REC114: variants seen among roughly 807,000 people sequenced by gnomAD.
REC114 encodes REC114 meiotic recombination protein, also known as meiotic recombination protein REC114.
In REC114, 27 loss-of-function variants were observed where a neutral mutation model predicts 31.3. The ratio of observed to expected loss-of-function variants is 0.86; its 90% confidence interval spans 0.64 to 1.19. REC114 has a LOEUF of 1.19. Among genes scored for constraint, REC114 ranks in the 50% most tolerant of loss-of-function variants. The pLI is 0.00. For synonymous variants in REC114, 134 were observed against 127.7 expected (o/e 1.05, Z -0.33); for missense variants, 344 against 326.9 (o/e 1.05, Z -0.40).
intron 2 of REC114, among the ~76,000 whole-genome samples, chr15:73,538,252 A>T (rs1228960564): frequency 1.3e-5 from 2 of 152,198 alleles, no homozygotes; most frequent in Non-Finnish European, 2.9e-5. Flanking sequence ...TGTAAAACAC[A>T]CACTGGATTT....
intron 2 of REC114, among the ~76,000 whole-genome samples, chr15:73,484,273 T>C (rs1008398052): frequency 6.6e-6 from 1 of 152,080 alleles, no homozygotes; most frequent in Non-Finnish European, 1.5e-5. Flanking sequence ...CTAGAAAGTG[T>C]GGCTTTTCTT....
chr15:73,460,318 AT>A (rs1397607237), intron 1 of REC114, among the ~76,000 whole-genome samples: 3 of 152,172 alleles, frequency 2.0e-5, no homozygotes, highest in Non-Finnish European at 4.4e-5. Context: ...GCCCAAGAGT[AT>A]TAAAATTCAT....
chr15:73,559,898 G>T lies in REC114; in HGVS notation c.783G>T (p.Leu261=). 6.2e-7 allele frequency: 1 copy of T among 1,611,044 alleles called. No individual in the cohort carries two copies. The highest frequency in any genetic ancestry group is 8.5e-7 in the Non-Finnish European group (1 of 1,178,998). The part of the protein sequence containing the change: ...VEEVEKELKK[L]AGLRN ...AGGTAGAAAAGGAACTGAAAAAGCT[G>T]GCGGGTTTGAGAAATTAATGCTCTA... Residue 261 remains leucine, a synonymous_variant, in exon 6 of 6, where the codon CTG becomes CTT. Transcript: ENST00000331090.
chr15:73,496,683 A>G (rs1268030405), intron 2 of REC114, among the ~76,000 whole-genome samples: 1 of 151,948 alleles, frequency 6.6e-6, no homozygotes, highest in Non-Finnish European at 1.5e-5. Flanking sequence ...CAAACGTAGT[A>G]TAAGGAATGT....
chr15:73,538,584 G>A (rs924572500), intron 2 of REC114, among the ~76,000 whole-genome samples: 1 of 151,142 alleles, frequency 6.6e-6, no homozygotes, highest in African/African-American at 2.4e-5. Flanking sequence ...AGCCTCCTGA[G>A]TAGCTGGGAC....
chr15:73,449,016 A>G (rs1595858017), intron 1 of REC114, among the ~76,000 whole-genome samples: 1 of 152,234 alleles, frequency 6.6e-6, no homozygotes, highest in Non-Finnish European at 1.5e-5. Context: ...GACCGAAGAT[A>G]GATAAATCCA....
chr15:73,443,230 AG>A lies in REC114; in HGVS notation c.47del (p.Gly16GlufsTer53). The A allele has an allele frequency of 1.3e-6, 2 of 1,575,646 alleles. No homozygotes were observed. The highest frequency in any genetic ancestry group is 1.7e-6 in the Non-Finnish European group (2 of 1,161,552). On this transcript the variant is annotated frameshift_variant, in exon 1 of 6. Transcript: ENST00000331090. LOFTEE classifies it high-confidence loss of function. ...KVPLSLGLTGGEAAEWPLQRY... is the reference protein window; with the variant it reads ...KVPLSLGLTGXEAAEWPLQRY... ...TGCCCTTGAGCCTCGGGCTTACCGG[AG>A]GAGAAGCGGCAGAGTGGCCTCTGCA...
intron 2 of REC114, among the ~76,000 whole-genome samples, chr15:73,530,953 C>T (rs1169246584): frequency 1.3e-5 from 2 of 152,140 alleles, no homozygotes; most frequent in African/African-American, 4.8e-5. Flanking sequence ...ATCAGTCATC[C>T]AGTTACTTTT....
chr15:73,554,535 A>G (rs139248704), intron 4 of REC114, among the ~76,000 whole-genome samples: 4,893 of 152,222 alleles, frequency 0.032, 134 homozygotes, highest in Non-Finnish European at 0.049. Context: ...TCAGCCTTGT[A>G]ATTTTGTTAA....
chr15:73,455,085 G>A lies in REC114; in HGVS notation c.159+11741G>A, dbSNP rs116448111. ...GAATCTGTGCCGAACCATCCTACCC[G>A]CTGTGATCAGTTTCAGCCTAGGTCT... On this transcript the variant is annotated intron_variant, in intron 1 of 5. Coordinates refer to ENST00000331090, the MANE Select transcript of REC114 (RefSeq NM_001042367.2). Among the ~76,000 whole-genome samples the A allele has an allele frequency of 5.0e-3, 753 of 152,110 alleles. 6 individuals are homozygous for A. Among genetic ancestry groups the A allele is most frequent in the African/African-American group, 0.017 (711 of 41,490 alleles).
intron 2 of REC114, among the ~76,000 whole-genome samples, chr15:73,487,580 A>G (rs942793702): frequency 3.9e-5 from 6 of 152,248 alleles, no homozygotes; most frequent in African/African-American, 1.2e-4. Context: ...CTACTTTTGT[A>G]CACACTGGGG....
intron 1 of REC114, among the ~76,000 whole-genome samples, chr15:73,453,492 GAAATAGGA>G (rs1377744522): frequency 6.6e-6 from 1 of 152,186 alleles, no homozygotes; most frequent in African/African-American, 2.4e-5. Flanking sequence ...AGGATGTGGA[GAAATAGGA>G]ACGCTTTTAT....
rs1398933648 is a variant in REC114, at chr15:73,534,988, G to A, written c.250-5497G>A. On this transcript the variant is annotated intron_variant, in intron 2 of 5. Transcript: ENST00000331090. The stretch of plus-strand genomic sequence containing the variant: ...TTGACAAAATTCACCAACCCTTCAT[G>A]CTAAAAACTCTCAATAAATTAGGTA... Among the ~76,000 whole-genome samples, 1,047 of 142,088 alleles carry A rather than the reference G, an allele frequency of 7.4e-3. 19 individuals carry two copies. Among genetic ancestry groups the A allele is most frequent in the African/African-American group, 0.028 (1,001 of 35,940 alleles). The allele number at this position is 142,088 out of a possible 152,430, so 93.2% of individuals were successfully genotyped here.
At chr15:73,546,031 G>A (rs11636907) in intron 3 of REC114, among the ~76,000 whole-genome samples, 78,455 of 151,268 alleles carry the variant, frequency 0.52, 20,429 homozygotes, top group East Asian at 0.55. Context: ...AGGGAAGGTA[G>A]GCTTTCAATG....
intron 2 of REC114, among the ~76,000 whole-genome samples, chr15:73,523,126 A>G (rs937063801): frequency 6.6e-6 from 1 of 152,146 alleles, no homozygotes; most frequent in African/African-American, 2.4e-5. Context: ...ATAAGAGGTT[A>G]TATATATATT....
chr15:73,558,773 T>C (rs756573761), intron 5 of REC114, among the ~76,000 whole-genome samples: 1 of 152,180 alleles, frequency 6.6e-6, no homozygotes, highest in Non-Finnish European at 1.5e-5. Context: ...AAGTTAAATA[T>C]ACACTCACCA....
At chr15:73,536,522 C>CA (rs1252283617) in intron 2 of REC114, among the ~76,000 whole-genome samples, 2 of 152,134 alleles carry the variant, frequency 1.3e-5, no homozygotes, top group Non-Finnish European at 2.9e-5. Context: ...GAACACAGAG[C>CA]AGGTCACTTA....
At chr15:73,454,393 G>C (rs1478520211) in intron 1 of REC114, among the ~76,000 whole-genome samples, 1 of 152,120 alleles carries the variant, frequency 6.6e-6, no homozygotes, top group African/African-American at 2.4e-5. Flanking sequence ...AAGCCAGATA[G>C]GAGTAGGGTA....
chr15:73,450,873 T>A (rs907280590), intron 1 of REC114, among the ~76,000 whole-genome samples: 1 of 152,168 alleles, frequency 6.6e-6, no homozygotes, highest in African/African-American at 2.4e-5. Context: ...AACAACCTGC[T>A]CTTGAATGAC....
Sources: allele counts gnomAD v4.1 joint callset (sites outside exome capture counted in the v4.1 genomes callset), GRCh38; gene constraint gnomAD v4.1.1; transcripts MANE v1.5; gene names NCBI Gene and HGNC (gene_info 2026-07-23, HGNC 2026-07-21).